Variants in ACACA observed in about 807,000 individuals in gnomAD.
ACACA encodes acetyl-CoA carboxylase alpha.
In ACACA, 103 loss-of-function variants were observed where a neutral mutation model predicts 296.1. That is an observed-to-expected ratio of 0.35 (90% CI 0.30 to 0.41). The LOEUF (loss-of-function observed/expected upper bound fraction) is 0.41, where lower values mean the gene tolerates loss of function less well. Ranked by LOEUF, ACACA falls within the 10% of genes least tolerant of loss-of-function variation. The pLI is 1.00. For synonymous variants in ACACA, 953 were observed against 1,038.6 expected, an observed-to-expected ratio of 0.92 and a Z score of 1.58; for missense variants, 1,554 against 2,989.7, an observed-to-expected ratio of 0.52 and a Z score of 11.20.
intron 52 of ACACA, among the ~76,000 whole-genome samples, chr17:37,104,088 C>T (rs547348986): frequency 1.3e-5 from 2 of 152,234 alleles, no homozygotes; most frequent in South Asian, 2.1e-4. Context: ...TTGGGCCACA[C>T]ATAAAATACA....
chr17:37,234,862 C>A, intron 25 of ACACA, 113 bp downstream of exon 25: 1 of 1,227,908 alleles, frequency 8.1e-7, no homozygotes, highest in East Asian at 2.4e-5. Flanking sequence ...CCCATTCATC[C>A]CATAATTATA....
intron 45 of ACACA, among the ~76,000 whole-genome samples, chr17:37,148,670 T>C (rs1454999799): frequency 1.3e-5 from 2 of 152,150 alleles, no homozygotes; most frequent in Non-Finnish European, 2.9e-5. Context: ...CACCAAATCA[T>C]GTTAGAGAGA....
rs1277784764 is a variant in ACACA, at chr17:37,179,242, G to A, written c.5079+18C>T. On this transcript the variant is annotated intron_variant, in intron 41 of 55. Transcript: ENST00000616317. ...GGGCACAGAGATAAGAAAGGGAAGG[G>A]GGGTTTCAACTACTTGCCTCATTTC... The A allele has an allele frequency of 5.0e-6, 8 of 1,613,970 alleles. No homozygotes were observed. In the East Asian group the frequency reaches 1.6e-4, roughly 31 times the overall value.
In ACACA at chr17:37,300,077, T is replaced by C. The variant is rs55775065; in HGVS notation, c.339-15107A>G. Among the ~76,000 whole-genome samples the C allele has an allele frequency of 9.1e-4, 139 of 152,278 alleles. 1 individual carries two copies. The highest frequency in any genetic ancestry group is 3.3e-3 in the African/African-American group (137 of 41,546). On this transcript the variant is annotated intron_variant, in intron 3 of 55. Coordinates refer to ENST00000616317, the MANE Select transcript of ACACA (RefSeq NM_198834.3). ...TATATATAGACACCTAAACTAAGGT[T>C]TTATGCACCAAAGCTTGAGAATAGG...
At chr17:37,245,666 C>T (rs1186464400) in intron 19 of ACACA, among the ~76,000 whole-genome samples, 1 of 152,112 alleles carries the variant, frequency 6.6e-6, no homozygotes, top group Non-Finnish European at 1.5e-5. Flanking sequence ...GCCAACTCTT[C>T]GGTTTACGCC....
chr17:37,259,617 G>C, intron 11 of ACACA, 87 bp from the exon 12 acceptor site: 1 of 1,436,452 alleles, frequency 7.0e-7, no homozygotes, highest in Non-Finnish European at 9.8e-7. Flanking sequence ...CAACTGTTCA[G>C]TGTGTATAAG....
At chr17:37,121,052 T>G (rs764168939) in intron 50 of ACACA, among the ~76,000 whole-genome samples, 1 of 151,904 alleles carries the variant, frequency 6.6e-6, no homozygotes, top group Non-Finnish European at 1.5e-5. Context: ...AGGGACAGAG[T>G]CACAATCATA....
chr17:37,279,976 T>C (rs1365404609), intron 5 of ACACA, among the ~76,000 whole-genome samples: 1 of 152,182 alleles, frequency 6.6e-6, no homozygotes, highest in Non-Finnish European at 1.5e-5. Context: ...ATGTATAATT[T>C]GAAAAATAAT....
At chr17:37,270,639 G>A in intron 10 of ACACA, 112 bp downstream of exon 10, 1 of 844,270 alleles carries the variant, frequency 1.2e-6, no homozygotes, top group Non-Finnish European at 2.0e-6. Context: ...GTTAGCTATA[G>A]ACAAAATTAA....
chr17:37,096,193 C>G (rs2072979781), intron 54 of ACACA, among the ~76,000 whole-genome samples: 1 of 152,170 alleles, frequency 6.6e-6, no homozygotes, highest in Non-Finnish European at 1.5e-5. Context: ...AGTGGTCTTT[C>G]TAAAATAGAA....
chr17:37,179,627 T>C (rs1167417456), intron 40 of ACACA, among the ~76,000 whole-genome samples: 1 of 152,184 alleles, frequency 6.6e-6, no homozygotes, highest in Non-Finnish European at 1.5e-5. Flanking sequence ...GTCAAACTAC[T>C]GAGTGATTCC....
intron 25 of ACACA, among the ~76,000 whole-genome samples, chr17:37,234,196 C>T (rs997337613): frequency 6.6e-6 from 1 of 152,152 alleles, no homozygotes; most frequent in Non-Finnish European, 1.5e-5. Flanking sequence ...AGGCATGCAG[C>T]AGCAAGGCAA....
At chr17:37,106,573 A>G (rs1225024348) in intron 52 of ACACA, among the ~76,000 whole-genome samples, 1 of 152,230 alleles carries the variant, frequency 6.6e-6, no homozygotes, top group Non-Finnish European at 1.5e-5. Flanking sequence ...GGAATAAAAA[A>G]AAATACTGCT....
At chr17:37,131,389 A>G (rs2075088954) in intron 45 of ACACA, among the ~76,000 whole-genome samples, 1 of 152,164 alleles carries the variant, frequency 6.6e-6, no homozygotes. Flanking sequence ...ATCACTGACT[A>G]TTGCAAACTG....
In ACACA at chr17:37,111,419, T is replaced by C. The variant is rs184766580; in HGVS notation, c.6565+112A>G. The C allele has an allele frequency of 5.8e-5, 47 of 814,670 alleles. 1 individual carries two copies. The highest frequency in any genetic ancestry group is 8.6e-5 in the Non-Finnish European group (40 of 464,148). 50.5% of individuals were successfully genotyped at this position (814,670 alleles called of 1,614,324 possible). Reference sequence around the variant, plus strand: ...CCATATAGAGGACAGTAAATAAAGATTATCATGAATTTGATCAAATGCTTC... The same window carrying C: ...CCATATAGAGGACAGTAAATAAAGACTATCATGAATTTGATCAAATGCTTC... On this transcript the variant is annotated intron_variant, in intron 52 of 55. Transcript: ENST00000616317.
rs17848762 is a variant in ACACA, at chr17:37,226,513, T to A, written c.3247-61A>T. 3.4e-4 allele frequency: 464 copies of A among 1,383,792 alleles called. 4 individuals are homozygous for A. In the East Asian group the frequency reaches 9.2e-3, roughly 27 times the overall value. 85.7% of individuals were successfully genotyped at this position (1,383,792 alleles called of 1,614,324 possible). On this transcript the variant is annotated intron_variant, in intron 25 of 55. Transcript: ENST00000616317. ...TATTAAAAAGAACAGGTGGATAGGA[T>A]TTTAAAATAGAGAAAAGGAATGAAA...
intron 45 of ACACA, chr17:37,144,479 C>CTTTTTTAATGAT: frequency 2.2e-5 from 6 of 269,108 alleles, no homozygotes; most frequent in Admixed American, 9.7e-5. Context: ...TGCTGTGTTT[C>CTTTTTTAATGAT]ACAGAGTCAT....
chr17:37,088,808 G>GCTGT, intron 55 of ACACA, 130 bp downstream of exon 55: 2 of 1,261,912 alleles, frequency 1.6e-6, no homozygotes, highest in Non-Finnish European at 2.3e-6. Context: ...GTCAACTACA[G>GCTGT]CTGTCTCAAA....
rs1011170571 is a variant in ACACA at position 37,248,578 on chromosome 17, T to A, written c.2163+15A>T. On this transcript the variant is annotated intron_variant, in intron 17 of 55. Transcript: ENST00000616317. Reference sequence around the variant, plus strand: ...TAAAAAAGTAAGGTGCAAGCTCCAATGGGGTTCTGCATACCTTAAGTACAT... The same window carrying A: ...TAAAAAAGTAAGGTGCAAGCTCCAAAGGGGTTCTGCATACCTTAAGTACAT... 7.0e-6 allele frequency: 11 copies of A among 1,571,606 alleles called. No homozygotes were observed. The highest frequency in any genetic ancestry group is 9.6e-6 in the Non-Finnish European group (11 of 1,142,280).
Sources: allele counts gnomAD v4.1 joint callset (sites outside exome capture counted in the v4.1 genomes callset), GRCh38; gene constraint gnomAD v4.1.1; transcripts MANE v1.5; gene names NCBI Gene and HGNC (gene_info 2026-07-23, HGNC 2026-07-21).